The following ENTREP1 variants were observed in gnomAD, a reference collection of about 807,000 sequenced individuals.
ENTREP1 encodes endosomal transmembrane epsin interactor 1.
the ENTREP1 span, chr9:69,383,058 T>C: frequency 1.0e-6 from 1 of 984,722 alleles, no homozygotes; most frequent in Non-Finnish European, 1.2e-6. Context: ...TTTGCTATTA[T>C]TTTGAATTTT....
At chr9:69,372,085 G>A in the ENTREP1 span, among the ~76,000 whole-genome samples, 2 of 152,164 alleles carry the variant, frequency 1.3e-5, no homozygotes, top group African/African-American at 2.4e-5. Flanking sequence ...ACAGCAGGCT[G>A]TTATCATGAC....
chr9:69,340,246 C>A, the ENTREP1 span, among the ~76,000 whole-genome samples: 1 of 152,030 alleles, frequency 6.6e-6, no homozygotes, highest in East Asian at 1.9e-4. Flanking sequence ...TTTTCAGGGC[C>A]CTTTGAAAGG....
chr9:69,385,863 C>T, the ENTREP1 span: 19 of 1,610,430 alleles, frequency 1.2e-5, no homozygotes, highest in South Asian at 7.7e-5. Context: ...AACCCTGGTG[C>T]GTCCTATCAG....
At chr9:69,325,589 G>A in the ENTREP1 span, 3 of 1,226,174 alleles carry the variant, frequency 2.4e-6, no homozygotes, top group South Asian at 4.1e-5. Flanking sequence ...GCTGCTGCCC[G>A]CCCGCCCGCT....
At chr9:69,383,717 G>T in the ENTREP1 span, 1 of 1,613,926 alleles carries the variant, frequency 6.2e-7, no homozygotes, top group Non-Finnish European at 8.5e-7. Flanking sequence ...TGGATCCCCC[G>T]CCGCCATATG....
the ENTREP1 span, among the ~76,000 whole-genome samples, chr9:69,328,028 A>G: frequency 6.6e-6 from 1 of 152,200 alleles, no homozygotes; most frequent in Admixed American, 6.5e-5. Context: ...TATGCATGTG[A>G]CAGAGGTTGT....
the ENTREP1 span, among the ~76,000 whole-genome samples, chr9:69,334,653 C>T: frequency 6.6e-6 from 1 of 152,138 alleles, no homozygotes; most frequent in South Asian, 2.1e-4. Flanking sequence ...TCAGCACATC[C>T]CAGGCTGAAA....
the ENTREP1 span, among the ~76,000 whole-genome samples, chr9:69,366,434 G>A: frequency 3.8e-4 from 49 of 128,346 alleles, no homozygotes; most frequent in African/African-American, 1.3e-3. Flanking sequence ...TGTATATTCC[G>A]GTTATTAGTC....
At chr9:69,361,985 G>A in the ENTREP1 span, among the ~76,000 whole-genome samples, 4 of 152,192 alleles carry the variant, frequency 2.6e-5, no homozygotes, top group South Asian at 2.1e-4. Flanking sequence ...TGTCATTTTA[G>A]TGGGTTTTCA....
At chr9:69,348,738 T>A in the ENTREP1 span, among the ~76,000 whole-genome samples, 5 of 152,350 alleles carry the variant, frequency 3.3e-5, no homozygotes, top group East Asian at 7.7e-4. Flanking sequence ...AGTTAGCATA[T>A]TTTTTAGCTT....
the ENTREP1 span, among the ~76,000 whole-genome samples, chr9:69,349,414 A>G: frequency 6.6e-6 from 1 of 152,234 alleles, no homozygotes; most frequent in African/African-American, 2.4e-5. Context: ...TGAAGGTTCT[A>G]GTTTCTCCAC....
chr9:69,371,015 A>G, the ENTREP1 span, among the ~76,000 whole-genome samples: 1 of 152,196 alleles, frequency 6.6e-6, no homozygotes, highest in Non-Finnish European at 1.5e-5. Context: ...TTTAGTACCT[A>G]AAGTGTTCAG....
chr9:69,343,582 T>G, the ENTREP1 span, among the ~76,000 whole-genome samples: 7 of 152,168 alleles, frequency 4.6e-5, no homozygotes, highest in African/African-American at 1.7e-4. Context: ...GAGTAGCCGA[T>G]GTTGAAAAGG....
At chr9:69,331,499 A>T in the ENTREP1 span, among the ~76,000 whole-genome samples, 4 of 152,322 alleles carry the variant, frequency 2.6e-5, no homozygotes, top group East Asian at 7.7e-4. Context: ...ATAGGTTATC[A>T]GTGAGTGAAA....
At chr9:69,361,362 T>G in the ENTREP1 span, among the ~76,000 whole-genome samples, 1 of 152,180 alleles carries the variant, frequency 6.6e-6, no homozygotes, top group Non-Finnish European at 1.5e-5. Flanking sequence ...GTTCTAGAAC[T>G]CTTTTTAATA....
chr9:69,389,493 C>A, the ENTREP1 span, among the ~76,000 whole-genome samples: 1 of 152,164 alleles, frequency 6.6e-6, no homozygotes, highest in Non-Finnish European at 1.5e-5. Context: ...TGAAGAGGTA[C>A]ATGAACCACA....
At chr9:69,330,656 T>TA in the ENTREP1 span, among the ~76,000 whole-genome samples, 2 of 152,252 alleles carry the variant, frequency 1.3e-5, no homozygotes, top group African/African-American at 4.8e-5. Flanking sequence ...ACTAATCAAA[T>TA]ACTACTTTAA....
At chr9:69,364,915 G>T in the ENTREP1 span, among the ~76,000 whole-genome samples, 1 of 152,112 alleles carries the variant, frequency 6.6e-6, no homozygotes, top group Non-Finnish European at 1.5e-5. Context: ...ACTTTGACTT[G>T]TACTTGGCAG....
chr9:69,385,763 C>CATTTTTT, the ENTREP1 span: 1 of 1,243,192 alleles, frequency 8.0e-7, no homozygotes. Flanking sequence ...TGTTTCGCCT[C>CATTTTTT]TTTTTTTTTT....
Sources: allele counts gnomAD v4.1 joint callset (sites outside exome capture counted in the v4.1 genomes callset), GRCh38; gene constraint gnomAD v4.1.1; transcripts MANE v1.5; gene names NCBI Gene and HGNC (gene_info 2026-07-23, HGNC 2026-07-21).